Variants in OPCML observed in about 807,000 individuals in gnomAD.
OPCML encodes opioid binding protein/cell adhesion molecule like.
In OPCML, 13 loss-of-function variants were observed where a neutral mutation model predicts 37.8. The observed-to-expected ratio is 0.34, with a 90% confidence interval of 0.22 to 0.55. The LOEUF (loss-of-function observed/expected upper bound fraction) is 0.55. Ranked by LOEUF, OPCML falls within the 20% of genes least tolerant of loss-of-function variation. The pLI is 0.91. For missense variants in OPCML, 341 were observed against 435.6 expected, an observed-to-expected ratio of 0.78 and a Z score of 1.93; for synonymous variants, 176 against 168.8, an observed-to-expected ratio of 1.04 and a Z score of -0.33.
At chr11:132,706,678 T>C (rs1338497058) in intron 2 of OPCML, among the ~76,000 whole-genome samples, 1 of 152,100 alleles carries the variant, frequency 6.6e-6, no homozygotes, top group Middle Eastern at 3.2e-3. Context: ...TAAGAGCCCC[T>C]ATTTTACCTC....
intron 1 of OPCML, chr11:133,421,888 C>A: frequency 3.6e-6 from 2 of 563,086 alleles, no homozygotes; most frequent in Non-Finnish European, 4.5e-6. Context: ...CAGTGAGAAA[C>A]AATAATTATT....
chr11:133,495,357 T>C (rs1333882768), intron 1 of OPCML, among the ~76,000 whole-genome samples: 3 of 152,242 alleles, frequency 2.0e-5, no homozygotes, highest in Non-Finnish European at 4.4e-5. Context: ...TGCACTGCTA[T>C]AAACATGCGT....
At chr11:132,977,787 A>C (rs1243284658) in intron 1 of OPCML, among the ~76,000 whole-genome samples, 1 of 152,218 alleles carries the variant, frequency 6.6e-6, no homozygotes, top group Admixed American at 6.5e-5. Flanking sequence ...GTATTTATTA[A>C]AATGGCTCTA....
chr11:133,172,778 A>G (rs575330737), intron 1 of OPCML, among the ~76,000 whole-genome samples: 35 of 152,352 alleles, frequency 2.3e-4, no homozygotes, highest in African/African-American at 8.2e-4. Flanking sequence ...TCTAAAACAC[A>G]GGAGAAAGAG....
chr11:132,442,762 C>G (rs2096040601), intron 4 of OPCML, among the ~76,000 whole-genome samples: 1 of 152,188 alleles, frequency 6.6e-6, no homozygotes, highest in African/African-American at 2.4e-5. Context: ...GGGAGTTCCC[C>G]TGCACAAGCT....
At chr11:132,843,291 G>A (rs369970525) in intron 2 of OPCML, among the ~76,000 whole-genome samples, 8 of 151,900 alleles carry the variant, frequency 5.3e-5, no homozygotes, top group Admixed American at 5.2e-4. Context: ...TAGCAATGGG[G>A]TTTCTTCATG....
At chr11:132,429,727 G>A (rs149057797) in intron 7 of OPCML, among the ~76,000 whole-genome samples, 422 of 152,308 alleles carry the variant, frequency 2.8e-3, no homozygotes, top group Middle Eastern at 0.017. Context: ...TTCTTAAAAA[G>A]TACATTCTCA....
intron 1 of OPCML, among the ~76,000 whole-genome samples, chr11:133,311,955 A>G (rs1943076614): frequency 6.6e-6 from 1 of 152,092 alleles, no homozygotes; most frequent in Non-Finnish European, 1.5e-5. Flanking sequence ...GTTGAGGCCC[A>G]TCATTCACTG....
intron 2 of OPCML, among the ~76,000 whole-genome samples, chr11:132,768,152 T>G (rs1946519449): frequency 6.6e-6 from 1 of 152,190 alleles, no homozygotes; most frequent in East Asian, 1.9e-4. Context: ...ACTCAGCTTT[T>G]TCTTGTAACA....
rs1284130647 is a variant in OPCML, at chr11:132,420,226, C to T, written c.984G>A (p.Gly328=). The part of the protein sequence containing the change: ...SRALACLWLS[G]TLLAHFFIKF Reference sequence around the variant, plus strand: ...TGATGAAGAAGTGGGCTAAGAGGGTCCCTGATAGCCAGAGACAAGCCAGTG... The same window carrying T: ...TGATGAAGAAGTGGGCTAAGAGGGTTCCTGATAGCCAGAGACAAGCCAGTG... Residue 328 remains glycine (G), a synonymous_variant, in exon 8 of 8, where the codon GGG becomes GGA. Transcript: ENST00000524381. 3 of 1,613,884 alleles carry T rather than the reference C, an allele frequency of 1.9e-6. No individual in the cohort carries two copies. The highest frequency in any genetic ancestry group is 3.3e-5 in the Admixed American group (2 of 59,996).
intron 2 of OPCML, among the ~76,000 whole-genome samples, chr11:132,814,913 C>G (rs1229170762): frequency 6.6e-6 from 1 of 152,106 alleles, no homozygotes; most frequent in African/African-American, 2.4e-5. Context: ...CAATAGCACA[C>G]AGTCACTCAT....
At chr11:132,842,742 G>C (rs934054175) in intron 2 of OPCML, among the ~76,000 whole-genome samples, 2 of 152,130 alleles carry the variant, frequency 1.3e-5, no homozygotes, top group African/African-American at 2.4e-5. Context: ...CTGTTTAGAC[G>C]CACTGCCAAA....
At chr11:133,330,692 G>C (rs576780522) in intron 1 of OPCML, among the ~76,000 whole-genome samples, 18 of 143,692 alleles carry the variant, frequency 1.3e-4, no homozygotes, top group South Asian at 1.2e-3. Flanking sequence ...GTTGTGGGGT[G>C]GGGGGAGGGC....
intron 2 of OPCML, among the ~76,000 whole-genome samples, chr11:132,713,509 TA>T (rs1390865638): frequency 6.6e-6 from 1 of 152,140 alleles, no homozygotes; most frequent in Non-Finnish European, 1.5e-5. Flanking sequence ...TTTACAATGA[TA>T]AAAAAAGGAT....
At chr11:132,734,888 T>C (rs1297494725) in intron 2 of OPCML, among the ~76,000 whole-genome samples, 3 of 152,150 alleles carry the variant, frequency 2.0e-5, no homozygotes, top group Admixed American at 6.6e-5. Context: ...TGATCTTTTA[T>C]AGAAAAGTGA....
At chr11:132,999,782 A>G (rs1040487234) in intron 1 of OPCML, among the ~76,000 whole-genome samples, 3 of 152,138 alleles carry the variant, frequency 2.0e-5, no homozygotes, top group Non-Finnish European at 4.4e-5. Context: ...GACAGCAAAA[A>G]GTAGAGCTTC....
chr11:132,833,519 G>A (rs573258968), intron 2 of OPCML, among the ~76,000 whole-genome samples: 4 of 152,320 alleles, frequency 2.6e-5, no homozygotes, highest in African/African-American at 9.6e-5. Flanking sequence ...AGTAGAAAGA[G>A]TACTCTCTAA....
intron 1 of OPCML, among the ~76,000 whole-genome samples, chr11:133,241,296 A>C (rs1043101430): frequency 3.7e-4 from 57 of 152,262 alleles, no homozygotes; most frequent in African/African-American, 1.3e-3. Context: ...AGGAGTGTGC[A>C]TGGAAGAAAA....
chr11:133,121,398 T>C (rs954827042), intron 1 of OPCML, among the ~76,000 whole-genome samples: 3 of 152,196 alleles, frequency 2.0e-5, no homozygotes, highest in Non-Finnish European at 4.4e-5. Context: ...CTGCCAAGAA[T>C]AGGTATTCGT....
Sources: gnomAD v4.1 joint callset for allele counts (sites outside exome capture counted in the v4.1 genomes callset) on GRCh38, gnomAD v4.1.1 for gene constraint, MANE v1.5 for transcripts, NCBI Gene and HGNC (gene_info 2026-07-23, HGNC 2026-07-21) for gene names.